Variants in UHRF1 observed in about 807,000 individuals in gnomAD.
The protein encoded by UHRF1 is ubiquitin like with PHD and ring finger domains 1.
Under a neutral mutation model 96.5 loss-of-function variants are expected in UHRF1, and 9 were observed. The ratio of observed to expected loss-of-function variants is 0.09; its 90% CI spans 0.06 to 0.16. The LOEUF (loss-of-function observed/expected upper bound fraction) is 0.16, where lower values mean the gene tolerates loss of function less well. UHRF1 is among the 10% of genes least tolerant of loss of function. UHRF1 has a pLI of 1.00. For missense variants in UHRF1, 626 were observed against 1,131.1 expected, an observed-to-expected ratio of 0.55 and a Z score of 6.40; for synonymous variants, 455 against 469.9, an observed-to-expected ratio of 0.97 and a Z score of 0.41.
intron 10 of UHRF1, among the ~76,000 whole-genome samples, chr19:4,946,389 G>T (rs2033566098): frequency 6.6e-6 from 1 of 152,136 alleles, no homozygotes; most frequent in Admixed American, 6.6e-5. Context: ...CTATTCTGCC[G>T]TGCGGAGGGA....
At position 4,960,736 on chromosome 19, in the gene UHRF1, T is replaced by G; in HGVS notation, c.2315T>G (p.Met772Arg). Residue 772 changes from methionine to arginine, a missense_variant, in exon 17 of 17, where the codon ATG (methionine) becomes AGG (arginine). Physicochemically the swap from Met to Arg is moderately conservative, Grantham distance 91. Transcript: ENST00000650932. Reference protein sequence around the residue: ...CRYDLGRSYAMQVNQPLQTVL... With the variant: ...CRYDLGRSYARQVNQPLQTVL... The stretch of plus-strand genomic sequence containing the variant: ...TACGACCTGGGCCGCAGCTATGCCA[T>G]GCAGGTGAACCAGCCTCTGCAGACC... The G allele has an allele frequency of 1.9e-6, 3 of 1,570,138 alleles. No homozygotes were observed. Among genetic ancestry groups the G allele is most frequent in the Non-Finnish European group, 2.6e-6 (3 of 1,158,324 alleles).
chr19:4,942,031 C>G lies in UHRF1; in HGVS notation c.1073+100C>G, dbSNP rs1367983058. ...CAGGAGAGGGGCAGGCGCGGGGGCT[C>G]ACGCCTGCAATCCCAGTGCTTTGGG... On this transcript the variant is annotated intron_variant, in intron 7 of 16. Coordinates refer to ENST00000650932, the MANE Select transcript of UHRF1 (RefSeq NM_001048201.3). 4 of 1,281,514 alleles carry G rather than the reference C, an allele frequency of 3.1e-6. No individual in the cohort carries two copies. In the Middle Eastern group the frequency reaches 8.0e-4, roughly 256 times the overall value. The allele number at this position is 1,281,514 out of a possible 1,614,324, so 79.4% of individuals were successfully genotyped here. A position where few individuals can be genotyped will look rare whatever the true frequency, so the allele number is the denominator to read the frequency against.
chr19:4,948,782 G>A (rs755748724), intron 11 of UHRF1, among the ~76,000 whole-genome samples: 3 of 151,346 alleles, frequency 2.0e-5, no homozygotes, highest in Admixed American at 6.6e-5. Flanking sequence ...ACTCTAGCCT[G>A]GGTAACAGGA....
intron 3 of UHRF1, 100 bp downstream of exon 3, chr19:4,929,576 C>G: frequency 6.7e-7 from 1 of 1,491,450 alleles, no homozygotes; most frequent in South Asian, 1.4e-5. Flanking sequence ...CCACGCGCCT[C>G]TCTAGCTCTG....
At chr19:4,907,838 G>A (rs549523821), upstream of UHRF1, among the ~76,000 whole-genome samples, 175 of 149,640 alleles carry the variant, frequency 1.2e-3, no homozygotes, top group African/African-American at 4.0e-3. Context: ...TCAGCCTCCC[G>A]AGTAGCTGGG....
At position 4,961,806 on chromosome 19, in the gene UHRF1, A is replaced by G. The variant is rs1412976015; in HGVS notation, c.*1003A>G. On this transcript the variant is annotated 3_prime_UTR_variant, in exon 17 of 17. Coordinates refer to ENST00000650932, the MANE Select transcript of UHRF1 (RefSeq NM_001048201.3). ...AATTTTTTTTTCTCTTAATGAACAC[A>G]TTTTCTAAATGAATTTTTTTTGTAG... The G allele has an allele frequency of 6.6e-6, 1 of 151,734 alleles. No individual in the cohort carries two copies. The highest frequency in any genetic ancestry group is 2.4e-5 in the African/African-American group (1 of 41,306). 9.4% of individuals were successfully genotyped at this position (151,734 alleles called of 1,614,324 possible).
chr19:4,908,457 C>T (rs1293926567), upstream of UHRF1, among the ~76,000 whole-genome samples: 2 of 152,114 alleles, frequency 1.3e-5, no homozygotes. Flanking sequence ...ACCCCTCTGA[C>T]CTCAACTCCC....
At chr19:4,920,401 C>T (rs573798260) in intron 2 of UHRF1, among the ~76,000 whole-genome samples, 18 of 151,934 alleles carry the variant, frequency 1.2e-4, no homozygotes, top group African/African-American at 4.3e-4. Context: ...CACTGCAGTT[C>T]AGCCTGGGTG....
At chr19:4,952,660 G>A (rs899279911) in intron 13 of UHRF1, among the ~76,000 whole-genome samples, 1 of 151,764 alleles carries the variant, frequency 6.6e-6, no homozygotes, top group Non-Finnish European at 1.5e-5. Flanking sequence ...GGGATTACAG[G>A]TGTGAGCCGC....
intron 2 of UHRF1, among the ~76,000 whole-genome samples, chr19:4,913,807 CTTTTTTTTTTT>C (rs11341952): frequency 1.8e-5 from 2 of 110,154 alleles, no homozygotes; most frequent in Admixed American, 1.9e-4. Flanking sequence ...CATGCAGTAG[CTTTTTTTTTTT>C]TTTTTTTTTT....
intron 5 of UHRF1, among the ~76,000 whole-genome samples, chr19:4,940,288 G>A (rs745448715): frequency 6.6e-6 from 1 of 151,390 alleles, no homozygotes; most frequent in Non-Finnish European, 1.5e-5. Flanking sequence ...TATTGATCTC[G>A]GGGGATCAGT....
At position 4,954,568 on chromosome 19, in the gene UHRF1, C is replaced by G. The variant is rs1437092221; in HGVS notation, c.1957+80C>G. The G allele has an allele frequency of 5.0e-6, 8 of 1,586,288 alleles. No individual in the cohort carries two copies. The highest frequency in any genetic ancestry group is 6.9e-6 in the Non-Finnish European group (8 of 1,164,666). ...CATCTCGCGGGTGTGGGGTTGAGGT[C>G]GTGTGGACGTGGGAGCCGGTGGCTG... is the stretch of plus-strand genomic sequence containing the variant. On this transcript the variant is annotated intron_variant, in intron 14 of 16. Transcript: ENST00000650932. The surrounding 1 kb of genome is among the most constrained non-coding windows in gnomAD (Gnocchi z 5.9).
intron 9 of UHRF1, 71 bp downstream of exon 9, chr19:4,944,521 G>A: frequency 1.3e-6 from 2 of 1,562,966 alleles, no homozygotes; most frequent in Non-Finnish European, 1.8e-6. Flanking sequence ...AGTTTCTCCT[G>A]GCTTTGGCCA....
chr19:4,926,713 TA>T (rs1181479097), intron 2 of UHRF1, among the ~76,000 whole-genome samples: 3 of 151,098 alleles, frequency 2.0e-5, no homozygotes, highest in African/African-American at 7.3e-5. Flanking sequence ...TGCAGTGAGC[TA>T]CGATTGCACC....
Position 4,930,513 on chromosome 19 carries a change from G to T in UHRF1, c.409-203G>T, listed in dbSNP as rs2033013384. Among the ~76,000 whole-genome samples the T allele has an allele frequency of 6.6e-6, 1 of 152,232 alleles. No individual in the cohort carries two copies. Among genetic ancestry groups the T allele is most frequent in the Non-Finnish European group, 1.5e-5 (1 of 68,034 alleles). Reference sequence around the variant, plus strand: ...AGGGGCCTTTGTTAAGACAGTCCATGCCCCCTGGCCCCGCATCCCCGTCAC... The same window carrying T: ...AGGGGCCTTTGTTAAGACAGTCCATTCCCCCTGGCCCCGCATCCCCGTCAC... On this transcript the variant is annotated intron_variant, in intron 3 of 16. Coordinates refer to ENST00000650932, the MANE Select transcript of UHRF1 (RefSeq NM_001048201.3). The surrounding 1 kb of genome is among the most constrained non-coding windows in gnomAD (Gnocchi z 4.4).
At chr19:4,926,380 C>T (rs932895311) in intron 2 of UHRF1, among the ~76,000 whole-genome samples, 3 of 152,174 alleles carry the variant, frequency 2.0e-5, no homozygotes, top group South Asian at 2.1e-4. Flanking sequence ...TCCCAGGCAG[C>T]GCCTAGCATG....
chr19:4,956,577 T>C (rs2033862376), intron 15 of UHRF1, 132 bp from the exon 16 acceptor site: 5 of 667,702 alleles, frequency 7.5e-6, no homozygotes, highest in South Asian at 1.7e-5. Context: ...GGGACGATCA[T>C]GGCCCCCGCC....
At chr19:4,917,251 T>C (rs984673000) in intron 2 of UHRF1, among the ~76,000 whole-genome samples, 7 of 151,420 alleles carry the variant, frequency 4.6e-5, no homozygotes, top group African/African-American at 9.7e-5. Flanking sequence ...GCCACCACAC[T>C]CGGCCCTTTG....
rs1374271777 is a variant in UHRF1, at chr19:4,950,838, G to A, written c.1681-21G>A. 5.6e-6 allele frequency: 9 copies of A among 1,613,882 alleles called. No individual in the cohort carries two copies. The East Asian group carries it at 1.3e-4, about 24-fold the overall frequency. On this transcript the variant is annotated intron_variant, in intron 12 of 16. Transcript: ENST00000650932. Reference sequence around the variant, plus strand: ...CGGGGCTGCCTCTGATGGAGCTGACGCTGATGCCCGCTCTCTGCAGGTTGT... The same window carrying A: ...CGGGGCTGCCTCTGATGGAGCTGACACTGATGCCCGCTCTCTGCAGGTTGT...
Sources: gnomAD v4.1 joint callset for allele counts (sites outside exome capture counted in the v4.1 genomes callset) on GRCh38, gnomAD v4.1.1 for gene constraint, Gnocchi (gnomAD v3.1) non-coding constraint, MANE v1.5 for transcripts, NCBI Gene and HGNC (gene_info 2026-07-23, HGNC 2026-07-21) for gene names.